Variants in MMP25 observed in about 807,000 individuals in gnomAD.
MMP25 encodes the protein matrix metallopeptidase 25.
A neutral mutation model predicts 62.1 loss-of-function variants in MMP25; 68 were observed. The observed-to-expected ratio is 1.10, with a 90% CI of 0.90 to 1.34. The LOEUF (loss-of-function observed/expected upper bound fraction) is 1.34. MMP25 is among the 40% of genes most tolerant of loss of function. MMP25 has a pLI of 0.00. For missense variants in MMP25, 942 were observed against 792.5 expected (o/e 1.19, Z -2.26); for synonymous variants, 407 against 345.6 (o/e 1.18, Z -1.97).
Position 3,050,437 on chromosome 16 carries a change from C to A in MMP25, c.552C>A (p.Pro184=), listed in dbSNP as rs1483332080. The change falls in exon 4 of 10, where the codon CCC becomes CCA. Residue 184 remains proline, a synonymous_variant. Transcript: ENST00000336577. ...FARAFHQDSY[P]FDGLGGTLAH... The stretch of plus-strand genomic sequence containing the variant: ...GCGCCTTCCACCAGGACAGCTACCC[C>A]TTCGACGGGTTGGGGGGCACCCTAG... 2 of 1,613,972 alleles carry A rather than the reference C, an allele frequency of 1.2e-6. No individual in the cohort carries two copies. The highest frequency in any genetic ancestry group is 2.2e-5 in the South Asian group (2 of 91,060).
At chr16:3,056,393 CTTT>C (rs202154299) in intron 4 of MMP25, among the ~76,000 whole-genome samples, 2 of 150,354 alleles carry the variant, frequency 1.3e-5, no homozygotes, top group African/African-American at 4.9e-5. Context: ...TTTTCTTTTT[CTTT>C]TTTTTTCTTT....
intron 4 of MMP25, chr16:3,051,574 C>G (rs1286225432): frequency 6.6e-6 from 1 of 152,236 alleles, no homozygotes; most frequent in Non-Finnish European, 1.5e-5. Context: ...CAAACTGACA[C>G]ACACAATGAA....
chr16:3,051,279 G>A (rs942398575), intron 4 of MMP25: 4 of 151,898 alleles, frequency 2.6e-5, no homozygotes, highest in African/African-American at 9.7e-5. Context: ...TTGGCTCACG[G>A]GATTGTAGGG....
At position 3,046,931 on chromosome 16, in the gene MMP25, T is replaced by G; in HGVS notation, c.14T>G (p.Leu5Arg). Residue 5 changes from leucine to arginine, a missense_variant, in exon 1 of 10, where the codon CTC (leucine) becomes CGC (arginine). By Grantham distance (102) the Leu-to-Arg change is moderately radical. Coordinates refer to ENST00000336577, the MANE Select transcript of MMP25 (RefSeq NM_022468.5). MRLR[L>R]RLLALLLLLL... ...CTGGGGCGCACCATGCGGCTGCGGC[T>G]CCGGCTTCTGGCGCTGCTGCTTCTG... 1 of 1,459,452 alleles carries G rather than the reference T, an allele frequency of 6.9e-7. No homozygotes were observed. The highest frequency in any genetic ancestry group is 9.0e-7 in the Non-Finnish European group (1 of 1,113,980). The allele number at this position is 1,459,452 out of a possible 1,614,324, so 90.4% of individuals were successfully genotyped here. A position where few individuals can be genotyped will look rare whatever the true frequency, so the allele number is the denominator to read the frequency against.
Position 3,059,994 on chromosome 16 carries a change from ACAGCTTGACTCC to A in MMP25, c.*899_*910del, listed in dbSNP as rs1226787676. On this transcript the variant is annotated 3_prime_UTR_variant, in exon 10 of 10. Coordinates refer to ENST00000336577, the MANE Select transcript of MMP25 (RefSeq NM_022468.5). ...CTTCCCTGCTTGCACCCTGGAGAGA[ACAGCTTGACTCC>A]CATCAACTCAACGCTGGTGGAAAGA... The A allele has an allele frequency of 1.3e-5, 2 of 152,156 alleles. No homozygotes were observed. The highest frequency in any genetic ancestry group is 4.8e-5 in the African/African-American group (2 of 41,350). The allele number at this position is 152,156 out of a possible 1,614,324, so 9.4% of individuals were successfully genotyped here.
intron 8 of MMP25, 38 bp from the exon 9 acceptor site, chr16:3,058,374 G>T: frequency 6.7e-7 from 1 of 1,497,832 alleles, no homozygotes; most frequent in Non-Finnish European, 8.9e-7. Context: ...GGCCGGCGCG[G>T]GGAGCCCACC....
rs201851412 is a variant in MMP25 at position 3,058,301 on chromosome 16, G to T, written c.1127G>T (p.Arg376Leu). ...AGGGTGGTGCAGGCCGCCTATGCTC[G>T]GCACCGAGACGGCCGAATCCTCCTC... ...QVRVVQAAYA[R>L]HRDGRILLFS... The change falls in exon 8 of 10, where the codon CGG becomes CTG. Residue 376 changes from arginine (R) to leucine (L), a missense_variant. Coordinates refer to ENST00000336577, the MANE Select transcript of MMP25 (RefSeq NM_022468.5). The T allele has an allele frequency of 6.2e-7, 1 of 1,604,040 alleles. No homozygotes were observed. Among genetic ancestry groups the T allele is most frequent in the Non-Finnish European group, 8.5e-7 (1 of 1,176,786 alleles).
chr16:3,056,680 G>C, intron 4 of MMP25: 1 of 217,900 alleles, frequency 4.6e-6, no homozygotes, highest in Non-Finnish European at 9.1e-6. Context: ...CTCCAAAAGT[G>C]CTGGGTTTAC....
intron 4 of MMP25, chr16:3,050,957 G>C (rs984036627): frequency 6.4e-6 from 1 of 155,530 alleles, no homozygotes; most frequent in Non-Finnish European, 1.4e-5. Flanking sequence ...CACCTGGCTA[G>C]TTTTAAAACT....
intron 9 of MMP25, 34 bp from the exon 10 acceptor site, chr16:3,058,793 G>T: frequency 6.7e-7 from 1 of 1,497,732 alleles, no homozygotes; most frequent in Non-Finnish European, 8.9e-7. Flanking sequence ...CGGCGGGGCG[G>T]GGAGGGACCG....
intron 2 of MMP25, among the ~76,000 whole-genome samples, chr16:3,047,883 A>G (rs1265869785): frequency 2.1e-5 from 3 of 142,448 alleles, no homozygotes; most frequent in Non-Finnish European, 4.6e-5. Context: ...CTTTTTGCCC[A>G]GGCTGGAGTG....
chr16:3,058,268 C>T lies in MMP25; in HGVS notation c.1094C>T (p.Ala365Val). 3.1e-6 allele frequency: 5 copies of T among 1,611,004 alleles called. No homozygotes were observed. The highest frequency in any genetic ancestry group is 4.2e-6 in the Non-Finnish European group (5 of 1,179,148). Reference sequence around the variant, plus strand: ...CACCGCTTCTGGGAGGGGCTGCCCGCCCAGGTGAGGGTGGTGCAGGCCGCC... The same window carrying T: ...CACCGCTTCTGGGAGGGGCTGCCCGTCCAGGTGAGGGTGGTGCAGGCCGCC... Reference protein sequence around the residue: ...RLHRFWEGLPAQVRVVQAAYA... With the variant: ...RLHRFWEGLPVQVRVVQAAYA... The change falls in exon 8 of 10, where the codon GCC becomes GTC. Residue 365 changes from alanine to valine, a missense_variant. Ala to Val is a moderately conservative substitution (Grantham distance 64). Coordinates refer to ENST00000336577, the MANE Select transcript of MMP25 (RefSeq NM_022468.5).
At chr16:3,053,431 G>T (rs1281182814) in intron 4 of MMP25, 1 of 152,118 alleles carries the variant, frequency 6.6e-6, no homozygotes, top group East Asian at 1.9e-4. Context: ...CATTGTCTCA[G>T]GTTCCTCGCC....
At position 3,046,677 on chromosome 16, in the gene MMP25, C is replaced by T. The variant is rs1009767019; in HGVS notation, c.-241C>T. 11 of 376,302 alleles carry T rather than the reference C, an allele frequency of 2.9e-5. No homozygotes were observed. The highest frequency in any genetic ancestry group is 2.3e-4 in the African/African-American group (11 of 47,378). 23.3% of individuals were successfully genotyped at this position (376,302 alleles called of 1,614,324 possible). A position where few individuals can be genotyped will look rare whatever the true frequency, so the allele number is the denominator to read the frequency against. ...CCGCTCCCGCGCCCTCTCAACCATCCTGGGATTCCCGGGCCCACCCGACCC... is the reference window on the plus strand; with the variant it reads ...CCGCTCCCGCGCCCTCTCAACCATCTTGGGATTCCCGGGCCCACCCGACCC... On this transcript the variant is annotated 5_prime_UTR_variant, in exon 1 of 10. Coordinates refer to ENST00000336577, the MANE Select transcript of MMP25 (RefSeq NM_022468.5).
intron 2 of MMP25, among the ~76,000 whole-genome samples, chr16:3,049,631 C>T (rs960448584): frequency 2.6e-5 from 4 of 152,180 alleles, no homozygotes; most frequent in Non-Finnish European, 5.9e-5. Flanking sequence ...TGGTGTGAGG[C>T]CTGCACAGCT....
Position 3,046,714 on chromosome 16 carries a change from C to A in MMP25, c.-204C>A. On this transcript the variant is annotated 5_prime_UTR_variant, in exon 1 of 10. Transcript: ENST00000336577. ...GGCCCACCCGACCCAGCGGCGCGAC[C>A]CTGGCCCTCCGGGACCCTCCGCTGA... 1 of 406,756 alleles carries A rather than the reference C, an allele frequency of 2.5e-6. No individual in the cohort carries two copies. 25.2% of individuals were successfully genotyped at this position (406,756 alleles called of 1,614,324 possible).
rs1956082429 is a variant in MMP25, at chr16:3,059,686, C to T, written c.*588C>T. 6.6e-6 allele frequency: 1 copy of T among 152,622 alleles called. No individual in the cohort carries two copies. Among genetic ancestry groups the T allele is most frequent in the South Asian group, 2.1e-4 (1 of 4,846 alleles). 9.5% of individuals were successfully genotyped at this position (152,622 alleles called of 1,614,324 possible). ...CTCTCCCACCCGCAGTTTCTCACCCCGTTCTGCTCCCACAAGGCCCCCCTA... is the reference window on the plus strand; with the variant it reads ...CTCTCCCACCCGCAGTTTCTCACCCTGTTCTGCTCCCACAAGGCCCCCCTA... On this transcript the variant is annotated 3_prime_UTR_variant, in exon 10 of 10. Coordinates refer to ENST00000336577, the MANE Select transcript of MMP25 (RefSeq NM_022468.5).
chr16:3,059,391 C>T lies in MMP25; in HGVS notation c.*293C>T, dbSNP rs1956077549. ...TGCGTCGGTCGTCGCCCCCGTCGTT[C>T]CCTCCCGGCTGCCGCCAGGGGGCGG... On this transcript the variant is annotated 3_prime_UTR_variant, in exon 10 of 10. Transcript: ENST00000336577. The T allele has an allele frequency of 6.6e-6, 2 of 303,756 alleles. No homozygotes were observed. The highest frequency in any genetic ancestry group is 1.5e-4 in the South Asian group (1 of 6,816). The allele number at this position is 303,756 out of a possible 1,614,324, so 18.8% of individuals were successfully genotyped here. A position where few individuals can be genotyped will look rare whatever the true frequency, so the allele number is the denominator to read the frequency against.
chr16:3,049,922 T>C, intron 2 of MMP25, 87 bp from the exon 3 acceptor site: 1 of 1,579,588 alleles, frequency 6.3e-7, no homozygotes, highest in Non-Finnish European at 8.6e-7. Flanking sequence ...AGCCTCAGTT[T>C]TCCCATGTAG....
Sources: gnomAD v4.1 joint callset for allele counts (sites outside exome capture counted in the v4.1 genomes callset) on GRCh38, gnomAD v4.1.1 for gene constraint, MANE v1.5 for transcripts, NCBI Gene and HGNC (gene_info 2026-07-23, HGNC 2026-07-21) for gene names.